Variants in KCNC2 observed in about 807,000 individuals in gnomAD.
KCNC2 encodes the protein voltage-gated potassium channel KCNC2.
In KCNC2, 21 loss-of-function variants were observed where a neutral mutation model predicts 44.5. The ratio of observed to expected loss-of-function variants is 0.47; its 90% CI spans 0.33 to 0.68. The LOEUF (loss-of-function observed/expected upper bound fraction) is 0.68, where lower values mean the gene tolerates loss of function less well. KCNC2 is among the 30% of genes least tolerant of loss of function. KCNC2 has a pLI of 0.01. For synonymous variants in KCNC2, 391 were observed against 339.1 expected (o/e 1.15, Z -1.68); for missense variants, 589 against 826.2 (o/e 0.71, Z 3.52).
chr12:75,063,299 C>G (rs920765451), intron 2 of KCNC2, among the ~76,000 whole-genome samples: 5 of 152,034 alleles, frequency 3.3e-5, no homozygotes, highest in African/African-American at 9.6e-5. Flanking sequence ...ATGTTCAACT[C>G]CTATGTTGAG....
intron 2 of KCNC2, among the ~76,000 whole-genome samples, chr12:75,158,538 G>A (rs539164757): frequency 2.6e-5 from 4 of 151,868 alleles, no homozygotes; most frequent in Admixed American, 6.6e-5. Context: ...AGGGCCTGGC[G>A]CTTTGAAATC....
chr12:75,176,887 TCAA>T (rs1426697233), intron 2 of KCNC2, among the ~76,000 whole-genome samples: 1 of 151,806 alleles, frequency 6.6e-6, no homozygotes, highest in African/African-American at 2.4e-5. Flanking sequence ...GCTCTTATCA[TCAA>T]CATTTCAATA....
At chr12:75,046,909 A>G (rs555885701) in intron 4 of KCNC2, among the ~76,000 whole-genome samples, 7 of 152,086 alleles carry the variant, frequency 4.6e-5, no homozygotes, top group African/African-American at 1.7e-4. Flanking sequence ...AAGTGACCAA[A>G]AGAAATGAAG....
At chr12:75,182,283 G>C (rs1368969206) in intron 2 of KCNC2, among the ~76,000 whole-genome samples, 1 of 151,610 alleles carries the variant, frequency 6.6e-6, no homozygotes, top group African/African-American at 2.4e-5. Context: ...CCAGCACTTT[G>C]GGAGGCCGAG....
rs980192703 is a variant in KCNC2 at position 75,207,206 on chromosome 12, G to A, written c.687+91C>T. 4.1e-6 allele frequency: 6 copies of A among 1,481,024 alleles called. No individual in the cohort carries two copies. In the African/African-American group the frequency reaches 7.2e-5, roughly 18 times the overall value. 91.7% of individuals were successfully genotyped at this position (1,481,024 alleles called of 1,614,324 possible). ...ATCCCGGGTCTCTTCTACCCCCCAT[G>A]CCTGAGGCCCTGGGGTGGAAAAGAA... On this transcript the variant is annotated intron_variant, in intron 2 of 4. Transcript: ENST00000549446. This position sits in a 1 kb window ranked among gnomAD's most constrained non-coding sequence, Gnocchi z 4.1.
intron 4 of KCNC2, chr12:75,043,860 T>A: frequency 9.0e-7 from 1 of 1,111,816 alleles, no homozygotes; most frequent in Non-Finnish European, 1.3e-6. Flanking sequence ...GAATGAAATA[T>A]AAATTAAGTC....
At chr12:75,195,825 C>T (rs1371533580) in intron 2 of KCNC2, among the ~76,000 whole-genome samples, 1 of 152,070 alleles carries the variant, frequency 6.6e-6, no homozygotes, top group Non-Finnish European at 1.5e-5. Context: ...TCTCCATTAC[C>T]AGCAGAGAAA....
At chr12:75,141,223 G>T (rs1280781044) in intron 2 of KCNC2, among the ~76,000 whole-genome samples, 1 of 152,048 alleles carries the variant, frequency 6.6e-6, no homozygotes, top group Non-Finnish European at 1.5e-5. Context: ...CACTTTCACT[G>T]CACTCTTCTA....
rs1231176387 is a variant in KCNC2 at position 75,043,204 on chromosome 12, G to A, written c.1818C>T (p.Gly606=). 6.2e-7 allele frequency: 1 copy of A among 1,612,346 alleles called. No homozygotes were observed. The highest frequency in any genetic ancestry group is 2.2e-5 in the East Asian group (1 of 44,788). Residue 606 remains glycine (G), a synonymous_variant, in exon 5 of 5, where the codon GGC becomes GGT. Coordinates refer to ENST00000549446, the MANE Select transcript of KCNC2 (RefSeq NM_139137.4). ...EKSRSLNNIA[G]LAGNALRLSP... ...AGAGCCTCAGAGCATTGCCTGCCAAGCCCGCTATGTTGTTTAAGCTTCGGG... is the reference window on the plus strand; with the variant it reads ...AGAGCCTCAGAGCATTGCCTGCCAAACCCGCTATGTTGTTTAAGCTTCGGG...
chr12:75,119,591 G>A (rs975100655), intron 2 of KCNC2, among the ~76,000 whole-genome samples: 1 of 152,188 alleles, frequency 6.6e-6, no homozygotes, highest in Non-Finnish European at 1.5e-5. Flanking sequence ...TCAAGGTCAT[G>A]TTACTTCTAT....
At chr12:75,059,299 A>G (rs367969467) in intron 2 of KCNC2, among the ~76,000 whole-genome samples, 27 of 152,130 alleles carry the variant, frequency 1.8e-4, no homozygotes, top group African/African-American at 6.3e-4. Flanking sequence ...CCTAGTAGCC[A>G]TGAGGCCTTT....
At chr12:75,196,900 G>T (rs140378713) in intron 2 of KCNC2, among the ~76,000 whole-genome samples, 5 of 152,140 alleles carry the variant, frequency 3.3e-5, no homozygotes, top group Admixed American at 1.3e-4. Context: ...TGAACTACAG[G>T]TAACCAGTTC....
At chr12:75,045,354 A>G (rs1880367080) in intron 4 of KCNC2, among the ~76,000 whole-genome samples, 1 of 152,104 alleles carries the variant, frequency 6.6e-6, no homozygotes, top group African/African-American at 2.4e-5. Context: ...TAGTTTTACT[A>G]TAAATATTCT....
chr12:75,112,809 A>G (rs537760830), intron 2 of KCNC2, among the ~76,000 whole-genome samples: 2 of 152,230 alleles, frequency 1.3e-5, no homozygotes, highest in East Asian at 3.9e-4. Context: ...CTTTTGAATT[A>G]ATAGTAACCA....
chr12:75,056,838 T>C (rs1881794350), intron 2 of KCNC2, among the ~76,000 whole-genome samples: 1 of 152,014 alleles, frequency 6.6e-6, no homozygotes, highest in African/African-American at 2.4e-5. Context: ...CTCCAAGGAA[T>C]CATGTTAAGT....
chr12:75,179,642 A>T (rs1180721522), intron 2 of KCNC2, among the ~76,000 whole-genome samples: 1 of 150,060 alleles, frequency 6.7e-6, no homozygotes, highest in African/African-American at 2.5e-5. Context: ...TATAAAAACT[A>T]TAAAAGATAT....
chr12:75,104,287 G>T (rs1886604037), intron 2 of KCNC2, among the ~76,000 whole-genome samples: 1 of 152,180 alleles, frequency 6.6e-6, no homozygotes, highest in South Asian at 2.1e-4. Context: ...ACAAGGGGAA[G>T]GTTCACGTCC....
chr12:75,199,571 G>T (rs1347828252), intron 2 of KCNC2, among the ~76,000 whole-genome samples: 1 of 151,808 alleles, frequency 6.6e-6, no homozygotes, highest in Non-Finnish European at 1.5e-5. Context: ...TTGGCTTACT[G>T]TTCATTAAAG....
chr12:75,199,386 T>C (rs1172704496), intron 2 of KCNC2, among the ~76,000 whole-genome samples: 2 of 151,852 alleles, frequency 1.3e-5, no homozygotes, highest in Non-Finnish European at 3.0e-5. Flanking sequence ...GTTGGTATCA[T>C]GATCAACTTT....
Sources: allele counts gnomAD v4.1 joint callset (sites outside exome capture counted in the v4.1 genomes callset), GRCh38; gene constraint gnomAD v4.1.1; non-coding constraint Gnocchi (gnomAD v3.1); transcripts MANE v1.5; gene names NCBI Gene and HGNC (gene_info 2026-07-23, HGNC 2026-07-21).